Variants in CNEP1R1 observed in about 807,000 individuals in gnomAD.
CNEP1R1 encodes the protein nuclear envelope phosphatase-regulatory subunit 1.
Under a neutral mutation model 22.7 loss-of-function variants are expected in CNEP1R1, and 10 were observed. The ratio of observed to expected loss-of-function variants is 0.44; its 90% confidence interval spans 0.27 to 0.75. The LOEUF is 0.75. CNEP1R1 is among the 30% of genes least tolerant of loss of function. The pLI, the probability that CNEP1R1 is intolerant of heterozygous loss-of-function variation, is 0.17. For missense variants in CNEP1R1, 73 were observed against 151.5 expected (o/e 0.48, Z 2.72); for synonymous variants, 53 against 50.1 (o/e 1.06, Z -0.25).
intron 4 of CNEP1R1, among the ~76,000 whole-genome samples, chr16:50,033,862 TC>T (rs2036252431): frequency 7.8e-6 from 1 of 127,728 alleles, no homozygotes; most frequent in Non-Finnish European, 1.6e-5. Flanking sequence ...AGACTGCGTC[TC>T]AAAAAAAAAA....
At chr16:50,033,969 T>G (rs1204807880) in intron 4 of CNEP1R1, 133 bp from the exon 5 acceptor site, 13 of 632,632 alleles carry the variant, frequency 2.1e-5, no homozygotes, top group Non-Finnish European at 3.7e-5. Flanking sequence ...GCCAGGATGG[T>G]CTCGATCTCC....
intron 3 of CNEP1R1, among the ~76,000 whole-genome samples, 186 bp from the exon 4 acceptor site, chr16:50,033,211 A>T (rs1328161606): frequency 6.6e-6 from 1 of 152,180 alleles, no homozygotes. Flanking sequence ...TGCTTTATAG[A>T]AGATAGCCTA....
chr16:50,025,291 G>T lies in CNEP1R1; in HGVS notation c.-25G>T. The T allele has an allele frequency of 7.0e-7, 1 of 1,428,554 alleles. No individual in the cohort carries two copies. The highest frequency in any genetic ancestry group is 9.1e-7 in the Non-Finnish European group (1 of 1,096,302). The allele number at this position is 1,428,554 out of a possible 1,614,324, so 88.5% of individuals were successfully genotyped here. On this transcript the variant is annotated 5_prime_UTR_variant, in exon 1 of 6. Transcript: ENST00000427478. ...AAGCTGCGATGCGGACAGGGCAGCG[G>T]CGGTGACCCGAGCTGCCGCCCGACA...
At chr16:50,025,667 CCT>C in intron 1 of CNEP1R1, 1 of 1,613,968 alleles carries the variant, frequency 6.2e-7, no homozygotes, top group Non-Finnish European at 8.5e-7. Context: ...GAGTTGTATC[CCT>C]GATTCCTGCG....
rs1472384590 is a variant in CNEP1R1, at chr16:50,035,543, C to A, written c.*85C>A. The A allele has an allele frequency of 2.0e-6, 2 of 1,020,660 alleles. No homozygotes were observed. The highest frequency in any genetic ancestry group is 1.6e-5 in the African/African-American group (1 of 62,076). 63.2% of individuals were successfully genotyped at this position (1,020,660 alleles called of 1,614,324 possible). On this transcript the variant is annotated 3_prime_UTR_variant, in exon 6 of 6. Transcript: ENST00000427478. Reference sequence around the variant, plus strand: ...AAAAAGCCATAAAGGATTCCTTTTGCGGTTGGATATGTAAAGGTCATAGCA... The same window carrying A: ...AAAAAGCCATAAAGGATTCCTTTTGAGGTTGGATATGTAAAGGTCATAGCA...
chr16:50,031,710 A>C (rs1201310498), intron 3 of CNEP1R1, among the ~76,000 whole-genome samples: 3 of 151,748 alleles, frequency 2.0e-5, no homozygotes, highest in Non-Finnish European at 4.4e-5. Context: ...ACCTGACAGG[A>C]GTTTTAACCA....
Position 50,026,386 on chromosome 16 carries a change from T to G in CNEP1R1, c.26-10T>G. The G allele has an allele frequency of 6.3e-7, 1 of 1,594,828 alleles. No homozygotes were observed. Among genetic ancestry groups the G allele is most frequent in the Non-Finnish European group, 8.6e-7 (1 of 1,166,916 alleles). ...GTGGCTAATTAGAAAATTGACATCT[T>G]TATACCTAGATCTCAAGGCTTTTGA... On this transcript the variant is annotated splice_polypyrimidine_tract_variant and intron_variant, in intron 1 of 5. Transcript: ENST00000427478.
At chr16:50,028,545 C>A (rs1378393274) in intron 2 of CNEP1R1, among the ~76,000 whole-genome samples, 2 of 152,100 alleles carry the variant, frequency 1.3e-5, no homozygotes, top group South Asian at 2.1e-4. Context: ...TAGGAATTAT[C>A]CCCAAAACCT....
In CNEP1R1 at chr16:50,035,895, G is replaced by T. The variant is rs1368506156; in HGVS notation, c.*437G>T. 1.3e-5 allele frequency: 2 copies of T among 158,150 alleles called. No individual in the cohort carries two copies. Among genetic ancestry groups the T allele is most frequent in the Admixed American group, 6.5e-5 (1 of 15,420 alleles). The allele number at this position is 158,150 out of a possible 1,614,324, so 9.8% of individuals were successfully genotyped here. On this transcript the variant is annotated 3_prime_UTR_variant, in exon 6 of 6. Transcript: ENST00000427478. ...GGAACATCTGCTTGCCATCCCCACA[G>T]CTCTTTAAAACTGGCTATTATGTGT...
intron 5 of CNEP1R1, among the ~76,000 whole-genome samples, chr16:50,035,089 C>T (rs774356914): frequency 7.2e-5 from 11 of 152,070 alleles, no homozygotes; most frequent in Non-Finnish European, 1.5e-4. Context: ...TGGTGGTTCA[C>T]ACCTGTAATC....
intron 1 of CNEP1R1, 145 bp downstream of exon 1, chr16:50,025,485 G>A: frequency 9.2e-7 from 1 of 1,092,562 alleles, no homozygotes; most frequent in Non-Finnish European, 1.3e-6. Context: ...GCGCGTAGGC[G>A]GCCGTACCTG....
At chr16:50,025,588 A>ATTGG in intron 1 of CNEP1R1, 2 of 1,467,330 alleles carry the variant, frequency 1.4e-6, no homozygotes, top group Non-Finnish European at 1.9e-6. Context: ...TTTTCTTTTC[A>ATTGG]CTGGCAGACA....
intron 2 of CNEP1R1, chr16:50,026,711 A>C: frequency 6.9e-6 from 3 of 437,808 alleles, no homozygotes; most frequent in Non-Finnish European, 1.3e-5. Flanking sequence ...GCCGTAGCTC[A>C]CGCCTGTAAT....
chr16:50,036,847 A>C lies in CNEP1R1; in HGVS notation c.*1389A>C, dbSNP rs916473766. On this transcript the variant is annotated 3_prime_UTR_variant, in exon 6 of 6. Coordinates refer to ENST00000427478, the MANE Select transcript of CNEP1R1 (RefSeq NM_001281789.2). The stretch of plus-strand genomic sequence containing the variant: ...AGCAATCTTTTAAATTTCATTTAAC[A>C]TAAAGCTGAAAATTCAATAACAGGA... The C allele has an allele frequency of 1.3e-5, 2 of 152,676 alleles. No individual in the cohort carries two copies. Among genetic ancestry groups the C allele is most frequent in the African/African-American group, 4.8e-5 (2 of 41,474 alleles). The allele number at this position is 152,676 out of a possible 1,614,324, so 9.5% of individuals were successfully genotyped here.
Position 50,035,637 on chromosome 16 carries a change from T to G in CNEP1R1, c.*179T>G. ...TGATGGTGACTCATTATCAGTGCTTTGGTACTTTTGATTACCTGTGTTTCA... is the reference window on the plus strand; with the variant it reads ...TGATGGTGACTCATTATCAGTGCTTGGGTACTTTTGATTACCTGTGTTTCA... On this transcript the variant is annotated 3_prime_UTR_variant, in exon 6 of 6. Transcript: ENST00000427478. The G allele has an allele frequency of 1.8e-6, 1 of 549,078 alleles. No homozygotes were observed. The highest frequency in any genetic ancestry group is 3.2e-6 in the Non-Finnish European group (1 of 310,996). 34.0% of individuals were successfully genotyped at this position (549,078 alleles called of 1,614,324 possible).
chr16:50,029,757 A>G lies in CNEP1R1; in HGVS notation c.130A>G (p.Thr44Ala). The G allele has an allele frequency of 6.2e-7, 1 of 1,611,236 alleles. No homozygotes were observed. The highest frequency in any genetic ancestry group is 8.5e-7 in the Non-Finnish European group (1 of 1,177,872). ...TATAGTGGTATCTGTCTGTACAGCTACTGGTGCCTGGAACTGGTTAATAGA... is the reference window on the plus strand; with the variant it reads ...TATAGTGGTATCTGTCTGTACAGCTGCTGGTGCCTGGAACTGGTTAATAGA... Reference protein sequence around the residue: ...LLIVVSVCTATGAWNWLIDPE... With the variant: ...LLIVVSVCTAAGAWNWLIDPE... Residue 44 changes from threonine (T) to alanine (A), a missense_variant, in exon 3 of 6, where the codon ACT (threonine) becomes GCT (alanine). Coordinates refer to ENST00000427478, the MANE Select transcript of CNEP1R1 (RefSeq NM_001281789.2).
intron 1 of CNEP1R1, chr16:50,025,799 C>T (rs766836066): frequency 5.9e-6 from 6 of 1,021,788 alleles, no homozygotes; most frequent in South Asian, 5.2e-5. Context: ...CCCCTGTCTT[C>T]TAGAACTAGG....
At chr16:50,025,849 G>C (rs751324850) in intron 1 of CNEP1R1, 5 of 651,040 alleles carry the variant, frequency 7.7e-6, no homozygotes, top group Non-Finnish European at 1.4e-5. Flanking sequence ...TACCCCTTCG[G>C]AGGGGGCAAG....
Position 50,034,121 on chromosome 16 carries a change from A to G in CNEP1R1, c.301A>G (p.Thr101Ala), listed in dbSNP as rs1339400641. The G allele has an allele frequency of 1.9e-6, 3 of 1,594,340 alleles. No individual in the cohort carries two copies. In the South Asian group the frequency reaches 3.4e-5, roughly 18 times the overall value. Residue 101 changes from threonine (T) to alanine (A), a missense_variant, in exon 5 of 6, where the codon ACG becomes GCG. Physicochemically the swap from Thr to Ala is moderately conservative, Grantham distance 58 (BLOSUM62 0). Transcript: ENST00000427478. ...ATTCAGTATAGCTGCTCGATGTCGA[A>G]CGGTATTAGCAGAATACAATATGTC... ...APSIIAARCR[T>A]VLAEYNMSCD...
Sources: allele counts gnomAD v4.1 joint callset (sites outside exome capture counted in the v4.1 genomes callset), GRCh38; gene constraint gnomAD v4.1.1; transcripts MANE v1.5; gene names NCBI Gene and HGNC (gene_info 2026-07-23, HGNC 2026-07-21).